The following PRRG4 variants were observed in gnomAD, a reference collection of about 807,000 sequenced individuals.
PRRG4 encodes proline rich and Gla domain 4.
PRRG4 carries 12 observed loss-of-function variants against 20.0 expected under a neutral mutation model. The ratio of observed to expected loss-of-function variants is 0.60; its 90% CI spans 0.38 to 0.97. The LOEUF (loss-of-function observed/expected upper bound fraction) is 0.97. Ranked by LOEUF, PRRG4 falls within the 50% of genes least tolerant of loss-of-function variation. The pLI is 0.00. For synonymous variants in PRRG4, 94 were observed against 96.4 expected (o/e 0.98, Z 0.15); for missense variants, 199 against 265.1 (o/e 0.75, Z 1.73).
chr11:32,839,549 G>C (rs935834962), intron 4 of PRRG4, among the ~76,000 whole-genome samples: 1 of 150,444 alleles, frequency 6.6e-6, no homozygotes, highest in East Asian at 1.9e-4. Flanking sequence ...CCCACTTAAT[G>C]CTGAATATTA....
At chr11:32,836,544 A>T in intron 2 of PRRG4, 114 bp from the exon 3 acceptor site, 1 of 483,694 alleles carries the variant, frequency 2.1e-6, no homozygotes, top group Non-Finnish European at 3.5e-6. Context: ...TTTACAAAAA[A>T]GTTTGGTATA....
chr11:32,836,153 A>AT (rs1375485136), intron 2 of PRRG4, among the ~76,000 whole-genome samples: 1 of 152,092 alleles, frequency 6.6e-6, no homozygotes, highest in African/African-American at 2.4e-5. Context: ...CTTAGTGATT[A>AT]TTTAATTCCC....
Position 32,846,765 on chromosome 11 carries a change from C to T in PRRG4, c.449+6526C>T, listed in dbSNP as rs2050229. 7.8e-3 allele frequency among the ~76,000 whole-genome samples: 1,190 copies of T among 152,144 alleles called. 9 individuals carry two copies. The highest frequency in any genetic ancestry group is 0.013 in the Non-Finnish European group (896 of 67,998). On this transcript the variant is annotated intron_variant, in intron 5 of 5. Coordinates refer to ENST00000257836, the MANE Select transcript of PRRG4 (RefSeq NM_024081.6). ...CTGTAATCCCAGCACTTTAGGAGGC[C>T]GAGGCAGGCGGATCACGAGGTCAAG...
In PRRG4 at chr11:32,830,495, TTG is replaced by T; in HGVS notation, c.-22-11_-22-10del. ...GGCCTTTTTTTTTTAATATTTTTTT[TTG>T]TTTGTTTTAGTTTGTTTGACAGTTG... is the stretch of plus-strand genomic sequence containing the variant. On this transcript the variant is annotated splice_polypyrimidine_tract_variant and intron_variant, in intron 1 of 5. Coordinates refer to ENST00000257836, the MANE Select transcript of PRRG4 (RefSeq NM_024081.6). 6.1e-6 allele frequency: 9 copies of T among 1,474,316 alleles called. No individual in the cohort carries two copies. Among genetic ancestry groups the T allele is most frequent in the Non-Finnish European group, 8.1e-6 (9 of 1,113,610 alleles). 91.3% of individuals were successfully genotyped at this position (1,474,316 alleles called of 1,614,324 possible).
intron 2 of PRRG4, among the ~76,000 whole-genome samples, chr11:32,834,125 G>A (rs921677707): frequency 2.2e-4 from 34 of 152,184 alleles, no homozygotes; most frequent in African/African-American, 7.7e-4. Context: ...GGCCTTGTAA[G>A]CCACTGTAAT....
At chr11:32,848,983 A>AAAAAAC (rs57590065) in intron 5 of PRRG4, among the ~76,000 whole-genome samples, 2 of 149,986 alleles carry the variant, frequency 1.3e-5, no homozygotes, top group Non-Finnish European at 3.0e-5. Flanking sequence ...AAAAAAAAAA[A>AAAAAAC]AAGAATTTAA....
intron 5 of PRRG4, among the ~76,000 whole-genome samples, chr11:32,847,994 G>A (rs1441382554): frequency 1.3e-5 from 2 of 152,202 alleles, no homozygotes; most frequent in Non-Finnish European, 2.9e-5. Flanking sequence ...CTTGGGCTGG[G>A]AGGATAGGGA....
chr11:32,833,373 CA>C (rs1850991859), intron 2 of PRRG4, among the ~76,000 whole-genome samples: 1 of 152,140 alleles, frequency 6.6e-6, no homozygotes, highest in East Asian at 1.9e-4. Flanking sequence ...TTTCCTCTAT[CA>C]AAGTAGCTTT....
At chr11:32,850,274 T>G (rs1851170217) in intron 5 of PRRG4, among the ~76,000 whole-genome samples, 1 of 152,226 alleles carries the variant, frequency 6.6e-6, no homozygotes. Context: ...CGTCACTATG[T>G]TTTTCACCTT....
chr11:32,838,186 G>A (rs1351696612), intron 3 of PRRG4, among the ~76,000 whole-genome samples: 2 of 152,170 alleles, frequency 1.3e-5, no homozygotes, highest in African/African-American at 4.8e-5. Context: ...GAAGGGCACA[G>A]TGGCTCATGC....
chr11:32,830,683 G>C, intron 2 of PRRG4, 51 bp downstream of exon 2: 1 of 1,610,690 alleles, frequency 6.2e-7, no homozygotes, highest in Non-Finnish European at 8.5e-7. Flanking sequence ...ACAGATCTCA[G>C]TGAGAAAGTG....
intron 1 of PRRG4, 48 bp downstream of exon 1, chr11:32,830,221 A>G: frequency 9.3e-7 from 1 of 1,070,032 alleles, no homozygotes; most frequent in Non-Finnish European, 1.1e-6. Context: ...GTTACCTGGA[A>G]GGGGCCACCT....
chr11:32,836,831 T>C lies in PRRG4; in HGVS notation c.267+10T>C, dbSNP rs1422943332. ...GGATGAAGATAAAACGGTAATGTGG[T>C]TGATTATGTTAATTGGCTGGAAATG... On this transcript the variant is annotated intron_variant, in intron 3 of 5. Coordinates refer to ENST00000257836, the MANE Select transcript of PRRG4 (RefSeq NM_024081.6). 2 of 1,603,948 alleles carry C rather than the reference T, an allele frequency of 1.2e-6. No individual in the cohort carries two copies. The highest frequency in any genetic ancestry group is 2.7e-5 in the African/African-American group (2 of 74,510).
At chr11:32,848,810 A>G (rs972011093) in intron 5 of PRRG4, among the ~76,000 whole-genome samples, 1 of 151,886 alleles carries the variant, frequency 6.6e-6, no homozygotes, top group African/African-American at 2.4e-5. Context: ...CACCTCTACT[A>G]AAAATACAAA....
At chr11:32,839,722 A>AT in intron 4 of PRRG4, among the ~76,000 whole-genome samples, 6 of 128,646 alleles carry the variant, frequency 4.7e-5, no homozygotes, top group African/African-American at 1.7e-4. Context: ...AAATATAAAT[A>AT]TATTTTGAAT....
At chr11:32,829,895 C>A, upstream of PRRG4, 2 of 985,496 alleles carry the variant, frequency 2.0e-6, no homozygotes, top group Non-Finnish European at 1.2e-6. Context: ...GGGGCGCGGC[C>A]AGGTGTCCCC....
At chr11:32,848,834 T>C (rs1171850337) in intron 5 of PRRG4, among the ~76,000 whole-genome samples, 1 of 151,906 alleles carries the variant, frequency 6.6e-6, no homozygotes, top group African/African-American at 2.4e-5. Flanking sequence ...TAGCTGGGCA[T>C]GATGGCAGGT....
intron 3 of PRRG4, among the ~76,000 whole-genome samples, chr11:32,837,441 G>A (rs1341365696): frequency 6.6e-6 from 1 of 151,290 alleles, no homozygotes; most frequent in African/African-American, 2.4e-5. Context: ...ATCTTGATAA[G>A]GTACAAAACA....
intron 3 of PRRG4, among the ~76,000 whole-genome samples, chr11:32,837,227 A>G (rs996509705): frequency 2.0e-5 from 3 of 152,108 alleles, no homozygotes; most frequent in African/African-American, 7.2e-5. Context: ...AATTTGTCCT[A>G]TCGGTGACCT....
Sources: allele counts gnomAD v4.1 joint callset (sites outside exome capture counted in the v4.1 genomes callset), GRCh38; gene constraint gnomAD v4.1.1; transcripts MANE v1.5; gene names NCBI Gene and HGNC (gene_info 2026-07-23, HGNC 2026-07-21).